Variants in ZNF518A observed in about 807,000 individuals in gnomAD.
ZNF518A encodes the protein zinc finger protein 518.
Under a neutral mutation model 102.7 loss-of-function variants are expected in ZNF518A, and 47 were observed. The ratio of observed to expected loss-of-function variants is 0.46; its 90% CI spans 0.36 to 0.58. The LOEUF is 0.58. Among genes scored for constraint, ZNF518A ranks in the 20% least tolerant of loss-of-function variants. The probability of loss-of-function intolerance (pLI) is 0.00; values close to 1 mark genes in which losing one functional copy is unlikely to be tolerated. For synonymous variants in ZNF518A, 652 were observed against 594.6 expected (o/e 1.10, Z -1.40); for missense variants, 1,793 against 1,699.8 (o/e 1.05, Z -0.96).
chr10:96,198,855 C>A (rs1554895321), intron 1 of ZNF518A, among the ~76,000 whole-genome samples: 1 of 152,154 alleles, frequency 6.6e-6, no homozygotes, highest in African/African-American at 2.4e-5. Context: ...CCCGCCATCA[C>A]GCCTGGCTAA....
At chr10:96,191,834 A>G (rs2083334445) in intron 1 of ZNF518A, 2 of 1,145,990 alleles carry the variant, frequency 1.7e-6, no homozygotes, top group African/African-American at 1.5e-5. Flanking sequence ...ATGGATGACC[A>G]CTTCAATAGC....
intron 3 of ZNF518A, among the ~76,000 whole-genome samples, chr10:96,135,822 A>G (rs1418958700): frequency 3.9e-5 from 6 of 152,226 alleles, no homozygotes; most frequent in African/African-American, 1.4e-4. Flanking sequence ...CAACAGAAAA[A>G]ACAGATAAAT....
Position 96,155,314 on chromosome 10 carries a change from C to G in ZNF518A, c.-301-12C>G, listed in dbSNP as rs1224897934. 1 of 152,074 alleles carries G rather than the reference C, an allele frequency of 6.6e-6. No individual in the cohort carries two copies. Among genetic ancestry groups the G allele is most frequent in the African/African-American group, 2.4e-5 (1 of 41,404 alleles). The allele number at this position is 152,074 out of a possible 1,614,324, so 9.4% of individuals were successfully genotyped here. A position where few individuals can be genotyped will look rare whatever the true frequency, so the allele number is the denominator to read the frequency against. ...CATAGGGGAAGTACTAATTTTTCCC[C>G]CCATTTTACAGATGAAGGAACTGAG... On this transcript the variant is annotated splice_polypyrimidine_tract_variant and intron_variant, in intron 3 of 5. Transcript: ENST00000316045.
At chr10:96,140,688 T>C (rs145580224) in intron 3 of ZNF518A, among the ~76,000 whole-genome samples, 2,161 of 152,102 alleles carry the variant, frequency 0.014, 18 homozygotes, top group Middle Eastern at 0.031. Flanking sequence ...CTCAGCACTT[T>C]GGGAGGCTGA....
chr10:96,180,180 CTTTTTTTTTT>C (rs60561670), intron 1 of ZNF518A, among the ~76,000 whole-genome samples: 19 of 96,280 alleles, frequency 2.0e-4, no homozygotes, highest in Non-Finnish European at 2.9e-4. Flanking sequence ...GCTCCAGCCT[CTTTTTTTTTT>C]TTTTTTTTTT....
At chr10:96,150,751 T>TTTTTTTTC (rs2082409220) in intron 3 of ZNF518A, among the ~76,000 whole-genome samples, 1 of 81,170 alleles carries the variant, frequency 1.2e-5, no homozygotes, top group Non-Finnish European at 2.6e-5. Flanking sequence ...TCCTTTTTTT[T>TTTTTTTTC]TTTTTTTTTT....
At chr10:96,202,604 T>G (rs1350208073) in intron 1 of ZNF518A, among the ~76,000 whole-genome samples, 4 of 152,072 alleles carry the variant, frequency 2.6e-5, no homozygotes, top group African/African-American at 9.7e-5. Flanking sequence ...GCAGCCACCA[T>G]TGTAAGAGGA....
downstream of ZNF518A, among the ~76,000 whole-genome samples, chr10:96,165,102 A>C (rs1182858685): frequency 3.3e-5 from 5 of 152,190 alleles, no homozygotes; most frequent in Non-Finnish European, 7.4e-5. Context: ...ACAGTAATCA[A>C]CTGGGGAACA....
At chr10:96,176,660 C>T (rs782103356) in intron 1 of ZNF518A, among the ~76,000 whole-genome samples, 3 of 152,162 alleles carry the variant, frequency 2.0e-5, no homozygotes, top group Non-Finnish European at 4.4e-5. Flanking sequence ...CACTGGGAAG[C>T]CAAGGCAGGA....
intron 1 of ZNF518A, among the ~76,000 whole-genome samples, chr10:96,181,373 G>T (rs1479389167): frequency 1.3e-5 from 2 of 152,044 alleles, no homozygotes; most frequent in East Asian, 1.9e-4. Flanking sequence ...GTCAATTTTG[G>T]CTTTTGTTGC....
At chr10:96,176,357 AT>A (rs1372070072) in intron 1 of ZNF518A, among the ~76,000 whole-genome samples, 11 of 152,224 alleles carry the variant, frequency 7.2e-5, no homozygotes, top group Non-Finnish European at 2.9e-5. Context: ...GGAGAAAAAA[AT>A]ATTTGAAGCA....
intron 3 of ZNF518A, among the ~76,000 whole-genome samples, chr10:96,148,538 T>C (rs1173884972): frequency 2.5e-3 from 1 of 396 alleles, no homozygotes. Context: ...TATTAGAGGG[T>C]TTTCTCAGAC....
At chr10:96,192,253 G>T (rs2083345486) in intron 1 of ZNF518A, among the ~76,000 whole-genome samples, 1 of 152,178 alleles carries the variant, frequency 6.6e-6, no homozygotes, top group African/African-American at 2.4e-5. Flanking sequence ...TAACCTTCAA[G>T]GTGGCAGACC....
At chr10:96,144,126 C>G (rs1554877600) in intron 3 of ZNF518A, among the ~76,000 whole-genome samples, 1 of 152,086 alleles carries the variant, frequency 6.6e-6, no homozygotes, top group East Asian at 1.9e-4. Flanking sequence ...GCTGGGACTA[C>G]AGGTGCATGC....
At chr10:96,179,549 C>A (rs2083226125) in intron 1 of ZNF518A, among the ~76,000 whole-genome samples, 1 of 152,094 alleles carries the variant, frequency 6.6e-6, no homozygotes, top group Non-Finnish European at 1.5e-5. Flanking sequence ...CAAAGTACAC[C>A]CACTTTATAA....
chr10:96,203,000 T>C (rs1227341794), intron 1 of ZNF518A, among the ~76,000 whole-genome samples: 1 of 152,208 alleles, frequency 6.6e-6, no homozygotes, highest in African/African-American at 2.4e-5. Context: ...CTGCGCTGTA[T>C]TTTTCTTTAT....
intron 3 of ZNF518A, among the ~76,000 whole-genome samples, chr10:96,141,243 A>G (rs984983461): frequency 1.3e-5 from 2 of 150,448 alleles, no homozygotes; most frequent in South Asian, 2.1e-4. Context: ...TAATGAAATT[A>G]TGTAATAGTA....
downstream of ZNF518A, among the ~76,000 whole-genome samples, chr10:96,167,538 CAT>C (rs587628282): frequency 7.5e-4 from 114 of 152,120 alleles, no homozygotes; most frequent in African/African-American, 2.6e-3. Context: ...AAGTAGAGAA[CAT>C]AGAGATAGAA....
At chr10:96,139,262 T>C (rs1257332405) in intron 3 of ZNF518A, among the ~76,000 whole-genome samples, 1 of 152,136 alleles carries the variant, frequency 6.6e-6, no homozygotes, top group East Asian at 1.9e-4. Context: ...TTAAATTTTA[T>C]TTTAAGTGCC....
Sources: allele counts gnomAD v4.1 joint callset (sites outside exome capture counted in the v4.1 genomes callset), GRCh38; gene constraint gnomAD v4.1.1; transcripts MANE v1.5; gene names NCBI Gene and HGNC (gene_info 2026-07-23, HGNC 2026-07-21).